DLGAP2: variants seen among roughly 807,000 people sequenced by gnomAD.
DLGAP2 encodes disks large-associated protein 2.
A neutral mutation model predicts 100.3 loss-of-function variants in DLGAP2; 26 were observed. That is an observed-to-expected ratio of 0.26 (90% confidence interval 0.19 to 0.36). The LOEUF (loss-of-function observed/expected upper bound fraction) is 0.36. Ranked by LOEUF, DLGAP2 falls within the 10% of genes least tolerant of loss-of-function variation. The probability of loss-of-function intolerance (pLI) is 1.00; values close to 1 mark genes in which losing one functional copy is unlikely to be tolerated. For synonymous variants in DLGAP2, 886 were observed against 630.1 expected, an observed-to-expected ratio of 1.41 and a Z score of -6.08; for missense variants, 1,858 against 1,453.2, an observed-to-expected ratio of 1.28 and a Z score of -4.53.
intron 3 of DLGAP2, among the ~76,000 whole-genome samples, chr8:1,342,896 C>G (rs141242134): frequency 3.3e-4 from 51 of 152,254 alleles, no homozygotes; most frequent in African/African-American, 1.2e-3. Flanking sequence ...TGCTTTCTGC[C>G]GTCTTTGCCG....
At chr8:1,343,068 G>A (rs966056758) in intron 3 of DLGAP2, among the ~76,000 whole-genome samples, 2 of 152,164 alleles carry the variant, frequency 1.3e-5, no homozygotes, top group Non-Finnish European at 1.5e-5. Context: ...TTCACAAACC[G>A]GAGACACAAA....
At chr8:739,527 C>G (rs1255465850) in intron 1 of DLGAP2, 2 of 152,260 alleles carry the variant, frequency 1.3e-5, no homozygotes, top group African/African-American at 2.4e-5. Context: ...GCACCTTACA[C>G]CATTTTCATT....
At chr8:919,573 T>C (rs993494863) in intron 2 of DLGAP2, among the ~76,000 whole-genome samples, 1 of 152,194 alleles carries the variant, frequency 6.6e-6, no homozygotes, top group African/African-American at 2.4e-5. Flanking sequence ...TAGAGTCCAC[T>C]GTTCACACTG....
intron 11 of DLGAP2, 132 bp downstream of exon 11, chr8:1,676,750 C>T (rs1056170689): frequency 1.2e-6 from 1 of 864,748 alleles, no homozygotes; most frequent in Non-Finnish European, 1.8e-6. Context: ...TACGTTTATA[C>T]TTTTCCATTG....
intron 6 of DLGAP2, chr8:1,621,770 G>A (rs542795770): frequency 2.6e-5 from 4 of 151,772 alleles, no homozygotes; most frequent in African/African-American, 9.7e-5. Flanking sequence ...TCAAGGGTAT[G>A]GCGTTTCCGA....
chr8:1,554,610 C>T (rs780273115), intron 5 of DLGAP2, among the ~76,000 whole-genome samples: 2 of 152,168 alleles, frequency 1.3e-5, no homozygotes, highest in Non-Finnish European at 2.9e-5. Context: ...CGCTTTGCCC[C>T]TGTATCTAGG....
intron 1 of DLGAP2, among the ~76,000 whole-genome samples, chr8:842,638 C>T (rs1416441556): frequency 2.0e-5 from 3 of 151,730 alleles, no homozygotes; most frequent in East Asian, 2.0e-4. Flanking sequence ...ACATTTTGTT[C>T]TCTTCTGCTG....
chr8:882,344 C>A lies in DLGAP2; in HGVS notation c.19-25568C>A, dbSNP rs534098959. 8.6e-5 allele frequency among the ~76,000 whole-genome samples: 13 copies of A among 150,436 alleles called. No homozygotes were observed. In the East Asian group the frequency reaches 1.2e-3, roughly 14 times the overall value. On this transcript the variant is annotated intron_variant, in intron 1 of 14. Coordinates refer to ENST00000637795, the MANE Select transcript of DLGAP2 (RefSeq NM_001346810.2). The stretch of plus-strand genomic sequence containing the variant: ...CCGTGCCTGGCCCAGCGGCACCGCT[C>A]CCTGCGGAGGCCTCCCCTGCGCGCA...
intron 2 of DLGAP2, among the ~76,000 whole-genome samples, chr8:1,033,771 G>A (rs1584996893): frequency 1.3e-5 from 2 of 149,088 alleles, no homozygotes; most frequent in Non-Finnish European, 1.5e-5. Context: ...GCGTGTCACC[G>A]CGAGTGGGTT....
intron 2 of DLGAP2, among the ~76,000 whole-genome samples, chr8:1,043,243 T>TGGCTCAC (rs1802418952): frequency 1.3e-5 from 1 of 77,908 alleles, no homozygotes; most frequent in Non-Finnish European, 2.5e-5. Flanking sequence ...GTGGTGGGTG[T>TGGCTCAC]GGGTGGTGGG....
At chr8:1,226,074 G>T (rs893287269) in intron 2 of DLGAP2, among the ~76,000 whole-genome samples, 1 of 151,864 alleles carries the variant, frequency 6.6e-6, no homozygotes, top group Non-Finnish European at 1.5e-5. Context: ...TCTAATAAGG[G>T]GGTAATATCC....
chr8:1,299,838 C>G (rs540268426), intron 3 of DLGAP2: 7 of 152,202 alleles, frequency 4.6e-5, no homozygotes, highest in African/African-American at 1.7e-4. Flanking sequence ...AAAATCAACC[C>G]AAATGACTTT....
intron 1 of DLGAP2, among the ~76,000 whole-genome samples, chr8:800,790 T>G (rs1039069800): frequency 1.3e-5 from 2 of 151,924 alleles, no homozygotes; most frequent in Admixed American, 6.6e-5. Context: ...TTTCTGAGAG[T>G]GGGGTTGTGC....
chr8:1,673,310 G>C (rs1362400950), intron 10 of DLGAP2, among the ~76,000 whole-genome samples: 1 of 152,152 alleles, frequency 6.6e-6, no homozygotes, highest in Non-Finnish European at 1.5e-5. Context: ...AAAGACTCTT[G>C]AGTTACCTTT....
intron 7 of DLGAP2, among the ~76,000 whole-genome samples, chr8:1,628,480 C>T (rs1249500719): frequency 7.4e-6 from 1 of 134,824 alleles, no homozygotes; most frequent in Non-Finnish European, 1.6e-5. Context: ...GAGCTGACCT[C>T]ACATTCTCTC....
At chr8:1,282,160 G>A (rs1042621653) in intron 3 of DLGAP2, among the ~76,000 whole-genome samples, 1 of 149,892 alleles carries the variant, frequency 6.7e-6, no homozygotes, top group Non-Finnish European at 1.5e-5. Flanking sequence ...GTACCATCCA[G>A]ACGTGGTGTG....
At chr8:1,423,132 A>G (rs554946057) in intron 3 of DLGAP2, among the ~76,000 whole-genome samples, 46 of 152,378 alleles carry the variant, frequency 3.0e-4, no homozygotes, top group South Asian at 1.0e-3. Flanking sequence ...TTTTAAAATA[A>G]TGAATGAACC....
chr8:1,116,155 T>C (rs1805110325), intron 2 of DLGAP2, among the ~76,000 whole-genome samples: 1 of 152,180 alleles, frequency 6.6e-6, no homozygotes, highest in Admixed American at 6.5e-5. Context: ...CCCATCCCCA[T>C]GGGGTGCGCA....
At chr8:902,437 G>A (rs1168890043) in intron 1 of DLGAP2, among the ~76,000 whole-genome samples, 2 of 149,752 alleles carry the variant, frequency 1.3e-5, no homozygotes, top group African/African-American at 4.9e-5. Context: ...TGGAGAGTGG[G>A]GGGTCCAGGC....
Sources: allele counts gnomAD v4.1 joint callset (sites outside exome capture counted in the v4.1 genomes callset), GRCh38; gene constraint gnomAD v4.1.1; transcripts MANE v1.5; gene names NCBI Gene and HGNC (gene_info 2026-07-23, HGNC 2026-07-21).